MGAM2: variants seen among roughly 807,000 people sequenced by gnomAD.
MGAM2 encodes the protein maltase-glucoamylase 2 (putative).
Under a neutral mutation model 96.1 loss-of-function variants are expected in MGAM2, and 98 were observed. The observed-to-expected ratio is 1.02, with a 90% CI of 0.87 to 1.21. MGAM2 has a LOEUF of 1.21. Ranked by LOEUF, MGAM2 falls within the 50% of genes most tolerant of loss-of-function variation. The pLI is 0.00. For synonymous variants in MGAM2, 749 were observed against 414.8 expected (o/e 1.81, Z -9.79); for missense variants, 2,055 against 1,182.4 (o/e 1.74, Z -10.82).
chr7:142,159,379 C>T lies in MGAM2; in HGVS notation c.2220+36C>T, dbSNP rs545562759. The T allele has an allele frequency of 1.3e-4, 90 of 700,996 alleles. No individual in the cohort carries two copies. The African/African-American group carries it at 1.4e-3, about 11-fold the overall frequency. 43.4% of individuals were successfully genotyped at this position (700,996 alleles called of 1,614,324 possible). ...CAGCCCTGGTTGGCTCACAGACCTG[C>T]CTCTAGCAGAGGGCAATTCTAAAGC... On this transcript the variant is annotated intron_variant, in intron 20 of 47. Transcript: ENST00000477922.
intron 45 of MGAM2, among the ~76,000 whole-genome samples, chr7:142,207,972 T>G (rs1797460012): frequency 6.6e-6 from 1 of 152,036 alleles, no homozygotes; most frequent in South Asian, 2.1e-4. Context: ...ATGGTGAAGG[T>G]GAAGATTGAT....
At chr7:142,126,517 ATCTT>A (rs1179199769) in intron 3 of MGAM2, among the ~76,000 whole-genome samples, 4 of 151,662 alleles carry the variant, frequency 2.6e-5, no homozygotes, top group Non-Finnish European at 5.9e-5. Context: ...ATTCTTAACT[ATCTT>A]TCACAATTTT....
At chr7:142,144,058 G>A (rs1446012100) in intron 13 of MGAM2, 176 bp downstream of exon 13, 1 of 453,124 alleles carries the variant, frequency 2.2e-6, no homozygotes, top group East Asian at 3.3e-5. Flanking sequence ...AGGCTCCTAA[G>A]AGCCTTAGGT....
intron 35 of MGAM2, among the ~76,000 whole-genome samples, chr7:142,187,369 A>G (rs1796731683): frequency 6.6e-6 from 1 of 152,228 alleles, no homozygotes; most frequent in Admixed American, 6.5e-5. Context: ...GCGTAGTAAA[A>G]CAAGATGGGC....
At chr7:142,212,900 A>G (rs1436730571) in intron 46 of MGAM2, among the ~76,000 whole-genome samples, 1 of 152,070 alleles carries the variant, frequency 6.6e-6, no homozygotes, top group South Asian at 2.1e-4. Flanking sequence ...CAGCACCAAT[A>G]GCACTTATTC....
At chr7:142,190,612 T>C (rs903586211) in intron 37 of MGAM2, among the ~76,000 whole-genome samples, 2 of 152,072 alleles carry the variant, frequency 1.3e-5, no homozygotes, top group African/African-American at 4.8e-5. Context: ...TGATAAAATG[T>C]ATAAGAGTTG....
chr7:142,187,104 G>A (rs1237274962), intron 35 of MGAM2, among the ~76,000 whole-genome samples: 1 of 152,194 alleles, frequency 6.6e-6, no homozygotes, highest in Admixed American at 6.5e-5. Context: ...TTGTCAGAGT[G>A]CACAGTGAAC....
intron 23 of MGAM2, among the ~76,000 whole-genome samples, chr7:142,162,283 C>G (rs1014198038): frequency 9.9e-5 from 15 of 151,804 alleles, no homozygotes; most frequent in African/African-American, 3.6e-4. Context: ...CCAAGATGTG[C>G]CTTTTTTGAG....
chr7:142,114,712 A>G (rs1305326699), intron 1 of MGAM2, among the ~76,000 whole-genome samples: 1 of 152,206 alleles, frequency 6.6e-6, no homozygotes. Context: ...CTTAAACAAG[A>G]AGAGGAAAAA....
At position 142,186,030 on chromosome 7, in the gene MGAM2, T is replaced by C. The variant is rs1223697536; in HGVS notation, c.4029T>C (p.Asn1343=). ...TTGCCTTTCCTGACTTCTTTCGTAA[T>C]AGCACAGCTGCGTGGTGGAAGAAAG... ...AYVAFPDFFR[N]STAAWWKKEI... The change falls in exon 35 of 48, where the codon AAT becomes AAC. Residue 1343 remains asparagine, a synonymous_variant. Transcript: ENST00000477922. 11 of 704,272 alleles carry C rather than the reference T, an allele frequency of 1.6e-5. No individual in the cohort carries two copies. Among genetic ancestry groups the C allele is most frequent in the Admixed American group, 2.0e-5 (1 of 49,998 alleles). The allele number at this position is 704,272 out of a possible 1,614,324, so 43.6% of individuals were successfully genotyped here.
At chr7:142,155,003 A>C (rs573598460) in intron 17 of MGAM2, among the ~76,000 whole-genome samples, 158 bp downstream of exon 17, 1 of 152,318 alleles carries the variant, frequency 6.6e-6, no homozygotes, top group African/African-American at 2.4e-5. Context: ...GGTATCAATC[A>C]AGGTGAGGGT....
At position 142,148,178 on chromosome 7, in the gene MGAM2, C is replaced by T. The variant is rs576368903; in HGVS notation, c.1634+605C>T. ...ACCATCACCATTGTCATAACCACACCATTACTACCACCATTATTGCCATCA... is the reference window on the plus strand; with the variant it reads ...ACCATCACCATTGTCATAACCACACTATTACTACCACCATTATTGCCATCA... On this transcript the variant is annotated intron_variant, in intron 15 of 47. Coordinates refer to ENST00000477922, the MANE Select transcript of MGAM2 (RefSeq NM_001293626.2). This position sits in a 1 kb window ranked among gnomAD's most constrained non-coding sequence, Gnocchi z 4.2. Among the ~76,000 whole-genome samples the T allele has an allele frequency of 2.6e-5, 4 of 151,820 alleles. No individual in the cohort carries two copies.
chr7:142,166,472 C>A (rs1366738022), intron 25 of MGAM2, among the ~76,000 whole-genome samples: 3 of 152,082 alleles, frequency 2.0e-5, no homozygotes, highest in Non-Finnish European at 4.4e-5. Flanking sequence ...ATTAAAAACC[C>A]AATTTTAAAC....
chr7:142,131,452 AC>A, intron 4 of MGAM2, 65 bp from the exon 5 acceptor site: 1 of 679,606 alleles, frequency 1.5e-6, no homozygotes, highest in Non-Finnish European at 2.7e-6. Flanking sequence ...AAAAACAAAA[AC>A]AAAACAAAAC....
At chr7:142,177,273 C>T (rs181463750) in intron 32 of MGAM2, among the ~76,000 whole-genome samples, 46 of 152,234 alleles carry the variant, frequency 3.0e-4, no homozygotes, top group Admixed American at 4.6e-4. Context: ...TTCAGGGAAA[C>T]TCCCCTTTTT....
intron 6 of MGAM2, among the ~76,000 whole-genome samples, chr7:142,132,572 A>G (rs1375798920): frequency 9.9e-5 from 13 of 130,884 alleles, no homozygotes; most frequent in African/African-American, 3.9e-4. Flanking sequence ...CATATACTTT[A>G]TATAATTTAA....
rs1222126669 is a variant in MGAM2, at chr7:142,170,209, C to G, written c.3162C>G (p.Arg1054=). The G allele has an allele frequency of 1.4e-6, 1 of 702,478 alleles. No homozygotes were observed. The highest frequency in any genetic ancestry group is 2.6e-6 in the Non-Finnish European group (1 of 384,738). The allele number at this position is 702,478 out of a possible 1,614,324, so 43.5% of individuals were successfully genotyped here. The change falls in exon 27 of 48, where the codon CGC becomes CGG. Residue 1054 remains arginine, a synonymous_variant. Coordinates refer to ENST00000477922, the MANE Select transcript of MGAM2 (RefSeq NM_001293626.2). The part of the protein sequence containing the change: ...QNNPFGIQIQ[R]KNSSTVIWDS... ...ATCCTTTTGGAATCCAGATTCAACGCAAAAACTCCAGCACTGTGATGTAAG... is the reference window on the plus strand; with the variant it reads ...ATCCTTTTGGAATCCAGATTCAACGGAAAAACTCCAGCACTGTGATGTAAG...
intron 33 of MGAM2, among the ~76,000 whole-genome samples, chr7:142,184,160 A>T (rs1212918304): frequency 4.6e-5 from 7 of 151,258 alleles, no homozygotes; most frequent in Non-Finnish European, 2.9e-5. Context: ...TTTAGTAGAG[A>T]TGGGGTTTCA....
At chr7:142,172,444 T>TA (rs1247435146) in intron 29 of MGAM2, among the ~76,000 whole-genome samples, 1 of 152,204 alleles carries the variant, frequency 6.6e-6, no homozygotes, top group Non-Finnish European at 1.5e-5. Flanking sequence ...TTGGCTCCCA[T>TA]TCACAGAGTT....
Sources: gnomAD v4.1 joint callset for allele counts (sites outside exome capture counted in the v4.1 genomes callset) on GRCh38, gnomAD v4.1.1 for gene constraint, Gnocchi (gnomAD v3.1) non-coding constraint, MANE v1.5 for transcripts, NCBI Gene and HGNC (gene_info 2026-07-23, HGNC 2026-07-21) for gene names.